The following ATG7 variants were observed in gnomAD, a reference collection of about 807,000 sequenced individuals.
The protein encoded by ATG7 is autophagy related 7.
Under a neutral mutation model 82.4 loss-of-function variants are expected in ATG7, and 70 were observed. That is an observed-to-expected ratio of 0.85 (90% CI 0.70 to 1.04). The LOEUF (loss-of-function observed/expected upper bound fraction) is 1.04, where lower values mean the gene tolerates loss of function less well. ATG7 is among the 50% of genes least tolerant of loss of function. The probability of loss-of-function intolerance (pLI) is 0.00; values close to 1 mark genes in which losing one functional copy is unlikely to be tolerated. For missense variants in ATG7, 792 were observed against 864.3 expected, an observed-to-expected ratio of 0.92 and a Z score of 1.05; for synonymous variants, 287 against 313.0, an observed-to-expected ratio of 0.92 and a Z score of 0.88.
At position 11,362,859 on chromosome 3, in the gene ATG7, C is replaced by T. The variant is rs1489806616; in HGVS notation, c.1730C>T (p.Pro577Leu). ...TLDQQCTVSRPGLAVIAGALA... is the reference protein window; with the variant it reads ...TLDQQCTVSRLGLAVIAGALA... The stretch of plus-strand genomic sequence containing the variant: ...GACCAGCAGTGCACTGTGAGTCGTC[C>T]AGGACTGGCCGTGATTGCAGGAGCC... The change falls in exon 17 of 21, where the codon CCA becomes CTA. Residue 577 changes from proline to leucine, a missense_variant. Pro to Leu is a moderately conservative substitution (Grantham distance 98). Coordinates refer to ENST00000693202, the MANE Select transcript of ATG7 (RefSeq NM_001349232.2). 1 of 1,614,062 alleles carries T rather than the reference C, an allele frequency of 6.2e-7. No individual in the cohort carries two copies. Among genetic ancestry groups the T allele is most frequent in the South Asian group, 1.1e-5 (1 of 91,064 alleles).
Position 11,333,121 on chromosome 3 carries a change from A to G in ATG7, c.889+28A>G, listed in dbSNP as rs368179260. The G allele has an allele frequency of 1.7e-4, 262 of 1,521,618 alleles. 1 individual carries two copies. The highest frequency in any genetic ancestry group is 2.2e-4 in the Non-Finnish European group (249 of 1,136,004). The allele number at this position is 1,521,618 out of a possible 1,614,324, so 94.3% of individuals were successfully genotyped here. On this transcript the variant is annotated intron_variant, in intron 11 of 20. Transcript: ENST00000693202. ...AATTTGCCGGTCTTTGAAAATGCATATAATTATCATTTATCAGAAACGGAA... is the reference window on the plus strand; with the variant it reads ...AATTTGCCGGTCTTTGAAAATGCATGTAATTATCATTTATCAGAAACGGAA...
Position 11,554,898 on chromosome 3 carries a change from A to T in ATG7, c.*55A>T. 1.3e-6 allele frequency: 2 copies of T among 1,595,790 alleles called. No individual in the cohort carries two copies. The highest frequency in any genetic ancestry group is 1.7e-6 in the Non-Finnish European group (2 of 1,171,844). On this transcript the variant is annotated 3_prime_UTR_variant, in exon 21 of 21. Coordinates refer to ENST00000693202, the MANE Select transcript of ATG7 (RefSeq NM_001349232.2). ...CCGGCCGCCTGCTGAGGAGCTCTCCATCGCCAGAGCAGGACTGCTGACCCC... is the reference window on the plus strand; with the variant it reads ...CCGGCCGCCTGCTGAGGAGCTCTCCTTCGCCAGAGCAGGACTGCTGACCCC...
chr3:11,523,714 A>G (rs368117599), intron 20 of ATG7, among the ~76,000 whole-genome samples: 4 of 152,232 alleles, frequency 2.6e-5, no homozygotes, highest in Non-Finnish European at 1.5e-5. Context: ...GGCCCTGGAA[A>G]CAAAACTGTA....
chr3:11,569,028 C>T, the ATG7 span: 11 of 780,942 alleles, frequency 1.4e-5, no homozygotes, highest in South Asian at 1.4e-4. Context: ...TACTGAAAGC[C>T]ACACGCTCTC....
intron 20 of ATG7, among the ~76,000 whole-genome samples, chr3:11,505,298 A>C (rs1322428575): frequency 2.0e-5 from 3 of 152,202 alleles, no homozygotes; most frequent in Non-Finnish European, 4.4e-5. Flanking sequence ...CAGGTAGAGA[A>C]AAGAAGACTA....
chr3:11,382,434 G>A (rs1337065551), intron 19 of ATG7, among the ~76,000 whole-genome samples: 2 of 152,206 alleles, frequency 1.3e-5, no homozygotes, highest in East Asian at 1.9e-4. Context: ...TCTTAGGTTG[G>A]CACATAACGA....
the ATG7 span, among the ~76,000 whole-genome samples, chr3:11,567,556 A>G: frequency 1.3e-5 from 2 of 152,228 alleles, no homozygotes; most frequent in Admixed American, 6.5e-5. Flanking sequence ...TTAAAATACT[A>G]AAAACCTTAA....
chr3:11,561,009 C>T (rs902466815), downstream of ATG7, among the ~76,000 whole-genome samples: 1 of 152,030 alleles, frequency 6.6e-6, no homozygotes, highest in Non-Finnish European at 1.5e-5. Context: ...AGCAGAATAC[C>T]GAGACCTGGA....
In ATG7 at chr3:11,556,082, CT is replaced by C. The variant is rs756026461; in HGVS notation, c.*1242del. The C allele has an allele frequency of 6.6e-6, 1 of 152,642 alleles. No individual in the cohort carries two copies. Among genetic ancestry groups the C allele is most frequent in the Non-Finnish European group, 1.5e-5 (1 of 68,036 alleles). The allele number at this position is 152,642 out of a possible 1,614,324, so 9.5% of individuals were successfully genotyped here. A position where few individuals can be genotyped will look rare whatever the true frequency, so the allele number is the denominator to read the frequency against. ...ACGTACACTATGTGGTTTAAGAGCACTTTATTATTGTTCTTAAGGCTACTTT... is the reference window on the plus strand; with the variant it reads ...ACGTACACTATGTGGTTTAAGAGCACTTATTATTGTTCTTAAGGCTACTTT... On this transcript the variant is annotated 3_prime_UTR_variant, in exon 21 of 21. Transcript: ENST00000693202.
At chr3:11,510,434 G>C in intron 20 of ATG7, 1 of 366,432 alleles carries the variant, frequency 2.7e-6, no homozygotes, top group Non-Finnish European at 5.4e-6. Context: ...GGCCTCATTC[G>C]AGGTCTTCTT....
intron 20 of ATG7, among the ~76,000 whole-genome samples, chr3:11,535,622 CTGA>C (rs200180195): frequency 7.1e-6 from 1 of 141,048 alleles, no homozygotes; most frequent in East Asian, 2.0e-4. Flanking sequence ...GTGGACTTGA[CTGA>C]TGATTGACAG....
intron 20 of ATG7, among the ~76,000 whole-genome samples, chr3:11,535,099 T>C (rs972674015): frequency 2.6e-5 from 4 of 152,268 alleles, no homozygotes; most frequent in Non-Finnish European, 4.4e-5. Flanking sequence ...GGATTCTTCC[T>C]AAGATGTGTT....
intron 19 of ATG7, among the ~76,000 whole-genome samples, chr3:11,423,887 C>T (rs1034583244): frequency 1.3e-5 from 2 of 152,110 alleles, no homozygotes; most frequent in African/African-American, 4.8e-5. Context: ...TTCTTAATTT[C>T]TTTTCTCCCC....
chr3:11,287,931 A>G (rs1944357700), intron 3 of ATG7, among the ~76,000 whole-genome samples: 1 of 152,268 alleles, frequency 6.6e-6, no homozygotes, highest in Admixed American at 6.5e-5. Flanking sequence ...TCCAGGAGTC[A>G]GCAAACTATA....
At chr3:11,428,341 G>A (rs1226290520) in intron 20 of ATG7, among the ~76,000 whole-genome samples, 1 of 152,186 alleles carries the variant, frequency 6.6e-6, no homozygotes, top group Non-Finnish European at 1.5e-5. Context: ...CTGAGTATAG[G>A]AAGACCATGT....
chr3:11,371,799 C>A lies in ATG7; in HGVS notation c.1875+7065C>A, dbSNP rs572940674. 6.6e-5 allele frequency among the ~76,000 whole-genome samples: 10 copies of A among 151,244 alleles called. 1 individual carries two copies. The highest frequency in any genetic ancestry group is 1.3e-4 in the Non-Finnish European group (9 of 67,806). ...TGCTTTTTGAATTTTGTGCTTCCAC[C>A]AACACTAGTTGTGTTTCTAAAAGAC... is the stretch of plus-strand genomic sequence containing the variant. On this transcript the variant is annotated intron_variant, in intron 18 of 20. Transcript: ENST00000693202.
chr3:11,441,366 C>G (rs889459085), intron 20 of ATG7, among the ~76,000 whole-genome samples: 9 of 151,962 alleles, frequency 5.9e-5, no homozygotes, highest in Non-Finnish European at 1.3e-4. Flanking sequence ...CTCAACCTCC[C>G]GAATAGCTGG....
chr3:11,364,612 G>A (rs1365058687), intron 17 of ATG7, 47 bp from the exon 18 acceptor site: 1 of 1,588,116 alleles, frequency 6.3e-7, no homozygotes, highest in Non-Finnish European at 8.6e-7. Flanking sequence ...CCTCCCATGT[G>A]TTAAACTTGG....
chr3:11,566,570 G>A, the ATG7 span, among the ~76,000 whole-genome samples: 1 of 152,104 alleles, frequency 6.6e-6, no homozygotes, highest in Non-Finnish European at 1.5e-5. Flanking sequence ...CTGGCTTCAC[G>A]CCTCCAAATG....
Sources: allele counts gnomAD v4.1 joint callset (sites outside exome capture counted in the v4.1 genomes callset), GRCh38; gene constraint gnomAD v4.1.1; transcripts MANE v1.5; gene names NCBI Gene and HGNC (gene_info 2026-07-23, HGNC 2026-07-21).